The following DMD variants were observed in gnomAD, a reference collection of about 807,000 sequenced individuals.
DMD encodes the protein mutant dystrophin.
Under a neutral mutation model 330.1 loss-of-function variants are expected in DMD, and 63 were observed. That is an observed-to-expected ratio of 0.19 (90% CI 0.16 to 0.24). DMD has a LOEUF of 0.24. Ranked by LOEUF, DMD falls within the 10% of genes least tolerant of loss-of-function variation. DMD has a pLI of 1.00. For missense variants in DMD, 3,344 were observed against 2,684.1 expected (o/e 1.25, Z -5.43); for synonymous variants, 1,223 against 959.8 (o/e 1.27, Z -5.07).
At chrX:32,436,779 A>G in intron 29 of DMD, among the ~76,000 whole-genome samples, 1 of 109,836 alleles carries the variant, frequency 9.1e-6, no homozygotes, top group Non-Finnish European at 1.9e-5. Flanking sequence ...TGGCAAAACA[A>G]CATTTCCACA....
At chrX:32,366,738 C>T (rs1285682267) in intron 34 of DMD, among the ~76,000 whole-genome samples, 1 of 111,934 alleles carries the variant, frequency 8.9e-6, no homozygotes, top group East Asian at 2.8e-4. Context: ...AATCACTTCT[C>T]ATACTTTCTG....
chrX:31,208,321 C>G (rs1412402510), intron 65 of DMD, among the ~76,000 whole-genome samples: 1 of 112,014 alleles, frequency 8.9e-6, no homozygotes, highest in East Asian at 2.8e-4. Context: ...CAAAATTTAA[C>G]AAATCCACTT....
intron 43 of DMD, among the ~76,000 whole-genome samples, chrX:32,280,621 T>C (rs781183770): frequency 4.3e-4 from 48 of 111,707 alleles, no homozygotes; most frequent in African/African-American, 1.3e-3. Flanking sequence ...CAACTACATA[T>C]GGCATTGTGA....
chrX:32,357,079 G>A (rs1165802500), intron 37 of DMD, among the ~76,000 whole-genome samples: 2 of 110,844 alleles, frequency 1.8e-5, no homozygotes, highest in African/African-American at 3.3e-5. Context: ...AGTAGAGAAG[G>A]GGATTTGCCA....
chrX:33,097,805 G>C (rs1391299034), intron 1 of DMD, among the ~76,000 whole-genome samples: 1 of 108,185 alleles, frequency 9.2e-6, no homozygotes, highest in South Asian at 4.1e-4. Flanking sequence ...TAGTAGAGAC[G>C]GGGTTTCATC....
At chrX:31,404,867 G>T (rs1349741862) in intron 60 of DMD, among the ~76,000 whole-genome samples, 1 of 112,271 alleles carries the variant, frequency 8.9e-6, no homozygotes, top group Non-Finnish European at 1.9e-5. Context: ...TGCCATTTAT[G>T]CAATTGATGC....
At chrX:32,230,632 G>T (rs1425568396) in intron 43 of DMD, among the ~76,000 whole-genome samples, 2 of 111,994 alleles carry the variant, frequency 1.8e-5, no homozygotes, top group African/African-American at 6.5e-5. Flanking sequence ...AAACAATCAG[G>T]TTGTACAGCA....
chrX:32,097,622 G>GTATAAA lies in DMD; in HGVS notation c.6438+119288_6438+119293dup, dbSNP rs1252960626. Among the ~76,000 whole-genome samples the GTATAAA allele has an allele frequency of 7.1e-5, 8 of 111,949 alleles. No homozygotes were observed. In the South Asian group the frequency reaches 2.9e-3, roughly 41 times the overall value. On this transcript the variant is annotated intron_variant, in intron 44 of 78. Transcript: ENST00000357033. ...TAGTTAAAATACAAATCAACCCTAA[G>GTATAAA]TATAAAATTAAAGGGAATTCTAAAT...
At chrX:31,865,660 AC>A (rs2093785408) in intron 48 of DMD, among the ~76,000 whole-genome samples, 1 of 109,487 alleles carries the variant, frequency 9.1e-6, no homozygotes, top group African/African-American at 3.3e-5. Flanking sequence ...CTCCTTACCC[AC>A]GAAAGCGTGG....
chrX:31,572,832 T>C lies in DMD; in HGVS notation c.8217+54841A>G, dbSNP rs1345923553. On this transcript the variant is annotated intron_variant, in intron 55 of 78. Coordinates refer to ENST00000357033, the MANE Select transcript of DMD (RefSeq NM_004006.3). ...TTTCTAGGACTTCCCAAGTTCTAAG[T>C]ACTTGGAATTCAGGTTTCCAAGATA... 8.9e-5 allele frequency among the ~76,000 whole-genome samples: 10 copies of C among 112,397 alleles called. No homozygotes were observed. In the Admixed American group the frequency reaches 9.4e-4, roughly 11 times the overall value.
At chrX:33,278,059 C>T (rs1035153522) in intron 1 of DMD, among the ~76,000 whole-genome samples, 11 of 111,171 alleles carry the variant, frequency 9.9e-5, no homozygotes, top group South Asian at 3.8e-4. Context: ...GAGCTACAAT[C>T]GCACCACTGC....
At chrX:33,248,577 T>A (rs2052709998) in intron 1 of DMD, among the ~76,000 whole-genome samples, 1 of 111,532 alleles carries the variant, frequency 9.0e-6, no homozygotes, top group Non-Finnish European at 1.9e-5. Flanking sequence ...ACTCTGAAAA[T>A]TAGAAAGTGA....
At chrX:32,165,836 A>G (rs1476378799) in intron 44 of DMD, among the ~76,000 whole-genome samples, 1 of 111,034 alleles carries the variant, frequency 9.0e-6, no homozygotes, top group Non-Finnish European at 1.9e-5. Context: ...GGCTTCCCCC[A>G]TGCTGTTCTC....
chrX:32,024,385 TG>T (rs1203866123), intron 44 of DMD, among the ~76,000 whole-genome samples: 2 of 105,865 alleles, frequency 1.9e-5, no homozygotes, highest in East Asian at 6.0e-4. Flanking sequence ...CTTCGGAGGC[TG>T]AGGCAGGGGA....
intron 7 of DMD, among the ~76,000 whole-genome samples, chrX:32,706,386 TAA>T (rs111363528): frequency 1.2e-4 from 13 of 105,040 alleles, no homozygotes; most frequent in African/African-American, 4.5e-4. Context: ...AGTATAATAA[TAA>T]AAAAAAAATG....
intron 41 of DMD, among the ~76,000 whole-genome samples, chrX:32,333,399 T>A (rs2097690467): frequency 9.0e-6 from 1 of 111,097 alleles, no homozygotes; most frequent in Non-Finnish European, 1.9e-5. Context: ...GTTCTTTCAT[T>A]GTTTTTGAAA....
intron 1 of DMD, among the ~76,000 whole-genome samples, chrX:33,183,725 C>A (rs1176706086): frequency 9.0e-6 from 1 of 111,137 alleles, no homozygotes; most frequent in Non-Finnish European, 1.9e-5. Context: ...CAGCTCCTCT[C>A]CTGTTACAAC....
chrX:31,800,219 G>C (rs1396923004), intron 50 of DMD, among the ~76,000 whole-genome samples: 1 of 112,751 alleles, frequency 8.9e-6, no homozygotes, highest in Non-Finnish European at 1.9e-5. Flanking sequence ...TCCCAGCAGA[G>C]AGGTTTTCCA....
chrX:32,985,435 T>C (rs757438139), intron 2 of DMD, among the ~76,000 whole-genome samples: 7 of 111,901 alleles, frequency 6.3e-5, no homozygotes, highest in Non-Finnish European at 1.1e-4. Context: ...CAAATTGCTA[T>C]AGTTAAGAGT....
Sources: allele counts gnomAD v4.1 joint callset (sites outside exome capture counted in the v4.1 genomes callset), GRCh38; gene constraint gnomAD v4.1.1; transcripts MANE v1.5; gene names NCBI Gene and HGNC (gene_info 2026-07-23, HGNC 2026-07-21).